The following PPARD variants were observed in gnomAD, a reference collection of about 807,000 sequenced individuals.
The protein encoded by PPARD is peroxisome proliferator-activated receptor delta.
Under a neutral mutation model 39.5 loss-of-function variants are expected in PPARD, and 6 were observed. That is an observed-to-expected ratio of 0.15 (90% CI 0.08 to 0.30). The LOEUF (loss-of-function observed/expected upper bound fraction) is 0.30, where lower values mean the gene tolerates loss of function less well. PPARD is among the 10% of genes least tolerant of loss of function. The probability of loss-of-function intolerance (pLI) is 1.00; values close to 1 mark genes in which losing one functional copy is unlikely to be tolerated. For synonymous variants in PPARD, 210 were observed against 231.3 expected, an observed-to-expected ratio of 0.91 and a Z score of 0.83; for missense variants, 397 against 596.8, an observed-to-expected ratio of 0.67 and a Z score of 3.49.
intron 2 of PPARD, among the ~76,000 whole-genome samples, chr6:35,362,390 G>C (rs914036034): frequency 2.0e-5 from 3 of 151,044 alleles, no homozygotes; most frequent in Non-Finnish European, 1.5e-5. Context: ...CCCCATCTGT[G>C]TCTCTCCCTG....
At chr6:35,362,845 C>A (rs1761999507) in intron 2 of PPARD, among the ~76,000 whole-genome samples, 1 of 152,236 alleles carries the variant, frequency 6.6e-6, no homozygotes, top group African/African-American at 2.4e-5. Context: ...CCTGGCCCCA[C>A]TCTTTCCATG....
At chr6:35,352,720 C>T (rs1417841950) in intron 2 of PPARD, among the ~76,000 whole-genome samples, 1 of 152,114 alleles carries the variant, frequency 6.6e-6, no homozygotes, top group Non-Finnish European at 1.5e-5. Flanking sequence ...CTGGCTTAGG[C>T]ACATGGGTGG....
intron 2 of PPARD, among the ~76,000 whole-genome samples, chr6:35,399,004 A>T (rs939938530): frequency 6.6e-6 from 1 of 152,088 alleles, no homozygotes; most frequent in African/African-American, 2.4e-5. Context: ...AGTCCCAGCT[A>T]TGGGAGTCTG....
chr6:35,387,715 TC>T (rs1763757974), intron 2 of PPARD, among the ~76,000 whole-genome samples: 2 of 143,646 alleles, frequency 1.4e-5, no homozygotes, highest in Non-Finnish European at 1.5e-5. Context: ...TACACTGCAT[TC>T]TTTTTTTTTT....
chr6:35,404,378 A>G (rs1387802198), intron 2 of PPARD, among the ~76,000 whole-genome samples: 3 of 152,130 alleles, frequency 2.0e-5, no homozygotes, highest in African/African-American at 7.2e-5. Context: ...GTCCTTGGAG[A>G]AGGGAAGCTA....
In PPARD at chr6:35,424,571, C is replaced by G; in HGVS notation, c.870C>G (p.Ile290Met). The change falls in exon 7 of 8, where the codon ATC becomes ATG. Residue 290 changes from isoleucine to methionine, a missense_variant. Ile to Met is a conservative substitution (Grantham distance 10, BLOSUM62 1). Transcript: ENST00000360694. The surrounding 1 kb of genome is among the most constrained non-coding windows in gnomAD (Gnocchi z 7.1). ...TCAAGTATGGCGTGCACGAGGCCATCTTCGCCATGCTGGCCTCTATCGTCA... is the reference window on the plus strand; with the variant it reads ...TCAAGTATGGCGTGCACGAGGCCATGTTCGCCATGCTGGCCTCTATCGTCA... ...TLLKYGVHEA[I>M]FAMLASIVNK... The G allele has an allele frequency of 6.2e-7, 1 of 1,614,252 alleles. No homozygotes were observed. The highest frequency in any genetic ancestry group is 8.5e-7 in the Non-Finnish European group (1 of 1,180,042).
rs117536882 is a variant in PPARD, at chr6:35,382,400, G to A, written c.-101-28587G>A. On this transcript the variant is annotated intron_variant, in intron 2 of 7. Transcript: ENST00000360694. The stretch of plus-strand genomic sequence containing the variant: ...GGAGCAGTAAAATTCTCCAGGTCCC[G>A]TGAAATGGGTATAATTGTTTCACCC... Among the ~76,000 whole-genome samples the A allele has an allele frequency of 5.7e-4, 87 of 152,308 alleles. 2 individuals are homozygous for A. The East Asian group carries it at 0.014, about 24-fold the overall frequency.
At chr6:35,387,511 G>A (rs1763739979) in intron 2 of PPARD, among the ~76,000 whole-genome samples, 1 of 152,132 alleles carries the variant, frequency 6.6e-6, no homozygotes. Context: ...CAGGGGTGAA[G>A]GTGAAGGTGA....
chr6:35,374,439 C>T (rs1762680163), intron 2 of PPARD, among the ~76,000 whole-genome samples: 1 of 151,430 alleles, frequency 6.6e-6, no homozygotes, highest in African/African-American at 2.4e-5. Flanking sequence ...GGGCGGATCA[C>T]AAGGTCAGGA....
chr6:35,349,305 G>A (rs1323248531), intron 2 of PPARD, among the ~76,000 whole-genome samples: 5 of 152,292 alleles, frequency 3.3e-5, no homozygotes, highest in African/African-American at 7.2e-5. Flanking sequence ...GATTACAGGC[G>A]TGAGCCACCG....
intron 2 of PPARD, among the ~76,000 whole-genome samples, chr6:35,383,607 T>A (rs1471471840): frequency 8.2e-6 from 1 of 122,492 alleles, no homozygotes; most frequent in Non-Finnish European, 1.5e-5. Flanking sequence ...CCGGCCGCCA[T>A]CACATCTAGG....
intron 1 of PPARD, among the ~76,000 whole-genome samples, chr6:35,343,752 G>A (rs901886723): frequency 5.3e-5 from 8 of 152,188 alleles, no homozygotes; most frequent in Non-Finnish European, 8.8e-5. Context: ...TGTGCCACGG[G>A]TAGCCGGAGG....
chr6:35,396,557 G>C (rs1434063032), intron 2 of PPARD, among the ~76,000 whole-genome samples: 1 of 146,726 alleles, frequency 6.8e-6, no homozygotes, highest in Non-Finnish European at 1.5e-5. Context: ...AAGGCCAGGC[G>C]TGGTGGCTCA....
chr6:35,395,830 ACT>A (rs909829424), intron 2 of PPARD, among the ~76,000 whole-genome samples: 3 of 151,912 alleles, frequency 2.0e-5, no homozygotes, highest in African/African-American at 7.3e-5. Flanking sequence ...AAGTTACCTC[ACT>A]CTTCCATGTT....
intron 2 of PPARD, among the ~76,000 whole-genome samples, chr6:35,409,785 AG>A (rs1270155945): frequency 6.6e-6 from 1 of 152,190 alleles, no homozygotes; most frequent in Non-Finnish European, 1.5e-5. Flanking sequence ...ATGAATGTGT[AG>A]CCTTAACATG....
intron 2 of PPARD, among the ~76,000 whole-genome samples, chr6:35,386,594 A>G (rs1763675018): frequency 6.6e-6 from 1 of 152,146 alleles, no homozygotes; most frequent in African/African-American, 2.4e-5. Context: ...ACTAACTTCA[A>G]GGTCAAGACT....
In PPARD at chr6:35,366,842, A is replaced by C. The variant is rs1762231401; in HGVS notation, c.-102+19692A>C. On this transcript the variant is annotated intron_variant, in intron 2 of 7. Transcript: ENST00000360694. This position sits in a 1 kb window ranked among gnomAD's most constrained non-coding sequence, Gnocchi z 4.6. Reference sequence around the variant, plus strand: ...TGGGATTATGGGCGTGAGCCGCTGCATCCGGCCTCTGTATTAAATACTTTA... The same window carrying C: ...TGGGATTATGGGCGTGAGCCGCTGCCTCCGGCCTCTGTATTAAATACTTTA... Among the ~76,000 whole-genome samples, 1 of 152,256 alleles carries C rather than the reference A, an allele frequency of 6.6e-6. No homozygotes were observed. The highest frequency in any genetic ancestry group is 6.5e-5 in the Admixed American group (1 of 15,284).
intron 2 of PPARD, 150 bp downstream of exon 2, chr6:35,347,300 G>A (rs1792242637): frequency 2.3e-6 from 2 of 888,214 alleles, no homozygotes; most frequent in Admixed American, 4.9e-5. Flanking sequence ...AGTTGCTTAT[G>A]CATAGTATAG....
intron 2 of PPARD, among the ~76,000 whole-genome samples, chr6:35,379,300 T>C (rs2284196): frequency 0.28 from 42,730 of 151,730 alleles, 11,207 homozygotes; most frequent in African/African-American, 0.69. Flanking sequence ...GATGGGGTTT[T>C]ACCATGTTGC....
Sources: gnomAD v4.1 joint callset for allele counts (sites outside exome capture counted in the v4.1 genomes callset) on GRCh38, gnomAD v4.1.1 for gene constraint, Gnocchi (gnomAD v3.1) non-coding constraint, MANE v1.5 for transcripts, NCBI Gene and HGNC (gene_info 2026-07-23, HGNC 2026-07-21) for gene names.